GSE1: variants seen among roughly 807,000 people sequenced by gnomAD.
The protein encoded by GSE1 is Gse1 coiled-coil protein, also known as genetic suppressor element 1.
Under a neutral mutation model 112.6 loss-of-function variants are expected in GSE1, and 32 were observed. The observed-to-expected ratio is 0.28, with a 90% CI of 0.21 to 0.38. GSE1 has a LOEUF of 0.38. Among genes scored for constraint, GSE1 ranks in the 10% least tolerant of loss-of-function variants. The probability of loss-of-function intolerance (pLI) is 1.00; values close to 1 mark genes in which losing one functional copy is unlikely to be tolerated. For synonymous variants in GSE1, 1,115 were observed against 735.6 expected (o/e 1.52, Z -8.35); for missense variants, 2,348 against 1,699.2 (o/e 1.38, Z -6.71).
chr16:85,655,664 C>A, intron 5 of GSE1, 62 bp from the exon 6 acceptor site: 1 of 1,151,830 alleles, frequency 8.7e-7, no homozygotes, highest in Non-Finnish European at 1.3e-6. Flanking sequence ...ACACACCTGT[C>A]GACAGGGCTG....
intron 1 of GSE1, among the ~76,000 whole-genome samples, chr16:85,628,610 C>G (rs1567677374): frequency 6.6e-6 from 1 of 152,204 alleles, no homozygotes; most frequent in Non-Finnish European, 1.5e-5. Context: ...CACCCCAGTT[C>G]CCTCCACCTC....
chr16:85,552,258 C>G (rs545498171), upstream of GSE1, among the ~76,000 whole-genome samples: 8 of 150,992 alleles, frequency 5.3e-5, no homozygotes, highest in South Asian at 2.1e-4. Flanking sequence ...ATCTCCTGAC[C>G]TCGTGATCCG....
In GSE1 at chr16:85,634,786, G is replaced by A. The variant is rs151247821; in HGVS notation, c.226+654G>A. 4.3e-3 allele frequency among the ~76,000 whole-genome samples: 651 copies of A among 152,294 alleles called. 2 individuals are homozygous for A. The highest frequency in any genetic ancestry group is 8.0e-3 in the Non-Finnish European group (544 of 68,020). On this transcript the variant is annotated intron_variant, in intron 2 of 15. Transcript: ENST00000253458. Reference sequence around the variant, plus strand: ...GTCTGTGCAGTGAGGCTCTAAAGACGCCCCCTTTGGCTCTGGCTCTGGGGT... The same window carrying A: ...GTCTGTGCAGTGAGGCTCTAAAGACACCCCCTTTGGCTCTGGCTCTGGGGT...
intron 2 of GSE1, among the ~76,000 whole-genome samples, chr16:85,478,548 T>A (rs115795342): frequency 6.6e-6 from 1 of 150,476 alleles, no homozygotes; most frequent in African/African-American, 2.5e-5. Flanking sequence ...AAAAATTCCA[T>A]GGCCTGCCAT....
chr16:85,535,119 C>T (rs906612016), intron 2 of GSE1, among the ~76,000 whole-genome samples: 3 of 152,190 alleles, frequency 2.0e-5, no homozygotes, highest in Non-Finnish European at 2.9e-5. Context: ...GACCCAGCCC[C>T]GGCCCCAAAG....
intron 1 of GSE1, among the ~76,000 whole-genome samples, chr16:85,296,920 G>A (rs533936104): frequency 6.6e-6 from 1 of 152,350 alleles, no homozygotes; most frequent in African/African-American, 2.4e-5. Flanking sequence ...GGGTCTGTCG[G>A]CACGCCCAGG....
chr16:85,399,153 G>A (rs2048033855), intron 2 of GSE1, among the ~76,000 whole-genome samples: 2 of 152,184 alleles, frequency 1.3e-5, no homozygotes, highest in African/African-American at 4.8e-5. Flanking sequence ...GTGTGTGTCT[G>A]TATTGTGTGC....
chr16:85,317,733 G>T (rs2046016102), intron 1 of GSE1, among the ~76,000 whole-genome samples: 1 of 152,160 alleles, frequency 6.6e-6, no homozygotes, highest in South Asian at 2.1e-4. Context: ...TGCACCCTGC[G>T]CTGGCTCATT....
chr16:85,511,418 C>T (rs1480809400), intron 2 of GSE1, among the ~76,000 whole-genome samples: 2 of 152,024 alleles, frequency 1.3e-5, no homozygotes, highest in East Asian at 1.9e-4. Flanking sequence ...ATCCCAGCTA[C>T]TCGGGAGGCT....
rs1216328770 is a variant in GSE1, at chr16:85,663,102, C to T, written c.2373+9C>T. On this transcript the variant is annotated intron_variant, in intron 10 of 15. Transcript: ENST00000253458. ...TGGACACGTCCTCTGAGGTACTGGG[C>T]TCTCCTCCCCACGGACATGCTCTGG... 4.5e-6 allele frequency: 7 copies of T among 1,562,260 alleles called. No individual in the cohort carries two copies. Among genetic ancestry groups the T allele is most frequent in the Non-Finnish European group, 5.3e-6 (6 of 1,135,128 alleles).
intron 2 of GSE1, among the ~76,000 whole-genome samples, chr16:85,472,860 G>A (rs1349633721): frequency 6.6e-6 from 1 of 152,244 alleles, no homozygotes; most frequent in Non-Finnish European, 1.5e-5. Context: ...GGTGGCAGGG[G>A]GCAGGGGCTG....
At chr16:85,505,897 C>T (rs1179178331) in intron 2 of GSE1, among the ~76,000 whole-genome samples, 2 of 151,824 alleles carry the variant, frequency 1.3e-5, no homozygotes, top group African/African-American at 4.8e-5. Context: ...AGGATGAGCC[C>T]AGGAGGTCAA....
intron 1 of GSE1, among the ~76,000 whole-genome samples, chr16:85,602,060 C>T (rs908418470): frequency 6.6e-6 from 1 of 152,168 alleles, no homozygotes; most frequent in Non-Finnish European, 1.5e-5. Context: ...GAAGCTCCTC[C>T]GTGGTTCAGA....
Position 85,257,770 on chromosome 16 carries a change from G to T in GSE1, c.2283+85963G>T, listed in dbSNP as rs186509293. ...AGTGAGGCTGTAGTGAGCCGCGATG[G>T]CATCATTGCCTGGGCAATAGAGTGA... On this transcript the variant is annotated intron_variant, in intron 1 of 2. Transcript: ENST00000637419. Among the ~76,000 whole-genome samples the T allele has an allele frequency of 4.0e-3, 606 of 152,312 alleles. 2 individuals are homozygous for T. Among genetic ancestry groups the T allele is most frequent in the Middle Eastern group, 0.027 (8 of 294 alleles).
At position 85,373,763 on chromosome 16, in the gene GSE1, G is replaced by T. The variant is rs143368409; in HGVS notation, c.2464+16120G>T. ...GAATGAGCGCTGGCCGCCTTCTCCC[G>T]GCAGGCCTGGGGACCCTGGATCCCC... On this transcript the variant is annotated intron_variant, in intron 2 of 2. Transcript: ENST00000637419. The surrounding 1 kb of genome is among the most constrained non-coding windows in gnomAD (Gnocchi z 5.1). 2.5e-3 allele frequency among the ~76,000 whole-genome samples: 383 copies of T among 152,208 alleles called. 6 individuals are homozygous for T. The highest frequency in any genetic ancestry group is 8.7e-3 in the African/African-American group (360 of 41,532).
intron 2 of GSE1, among the ~76,000 whole-genome samples, chr16:85,532,418 G>A (rs1242730821): frequency 3.3e-5 from 5 of 152,108 alleles, no homozygotes; most frequent in African/African-American, 1.2e-4. Flanking sequence ...ACGCCACCAC[G>A]CCAGGCTAAA....
At chr16:85,364,600 T>C (rs2047149008) in intron 2 of GSE1, among the ~76,000 whole-genome samples, 1 of 152,210 alleles carries the variant, frequency 6.6e-6, no homozygotes, top group Admixed American at 6.5e-5. Flanking sequence ...CTCTTCAAGC[T>C]GTGGTCTCTG....
upstream of GSE1, among the ~76,000 whole-genome samples, chr16:85,607,118 A>T (rs1427203563): frequency 6.6e-6 from 1 of 151,698 alleles, no homozygotes; most frequent in African/African-American, 2.4e-5. Flanking sequence ...GAGGAGAGCC[A>T]TGGCTCCTGG....
chr16:85,549,362 C>T (rs573457896), intron 2 of GSE1, among the ~76,000 whole-genome samples: 7 of 152,042 alleles, frequency 4.6e-5, no homozygotes, highest in Admixed American at 1.3e-4. Flanking sequence ...TTTTTTGTAG[C>T]GACGGAGTCC....
Sources: gnomAD v4.1 joint callset for allele counts (sites outside exome capture counted in the v4.1 genomes callset) on GRCh38, gnomAD v4.1.1 for gene constraint, Gnocchi (gnomAD v3.1) non-coding constraint, MANE v1.5 for transcripts, NCBI Gene and HGNC (gene_info 2026-07-23, HGNC 2026-07-21) for gene names.